The following PLBD1 variants were observed in gnomAD, a reference collection of about 807,000 sequenced individuals.
PLBD1 encodes the protein phospholipase B domain containing 1, also known as lysosomal leucine aminopeptidase.
Under a neutral mutation model 63.0 loss-of-function variants are expected in PLBD1, and 60 were observed. That is an observed-to-expected ratio of 0.95 (90% CI 0.77 to 1.18). The LOEUF is 1.18. Ranked by LOEUF, PLBD1 falls within the 50% of genes most tolerant of loss-of-function variation. PLBD1 has a pLI of 0.00. For missense variants in PLBD1, 598 were observed against 677.9 expected, an observed-to-expected ratio of 0.88 and a Z score of 1.31; for synonymous variants, 262 against 248.0, an observed-to-expected ratio of 1.06 and a Z score of -0.53.
chr12:14,564,972 A>G (rs1945769144), intron 1 of PLBD1, among the ~76,000 whole-genome samples: 1 of 152,206 alleles, frequency 6.6e-6, no homozygotes, highest in African/African-American at 2.4e-5. Flanking sequence ...TGACTTCTCT[A>G]TACATACCAC....
At chr12:14,539,719 G>A (rs1945550126) in intron 4 of PLBD1, among the ~76,000 whole-genome samples, 1 of 151,224 alleles carries the variant, frequency 6.6e-6, no homozygotes, top group Admixed American at 6.6e-5. Flanking sequence ...CCAGGAGGCA[G>A]AGGTTGCAGT....
intron 6 of PLBD1, among the ~76,000 whole-genome samples, chr12:14,533,594 C>T (rs187363746): frequency 1.8e-4 from 27 of 152,284 alleles, no homozygotes; most frequent in African/African-American, 5.8e-4. Flanking sequence ...GTGCACATAA[C>T]ATCTGAATAT....
intron 10 of PLBD1, among the ~76,000 whole-genome samples, chr12:14,505,744 C>T (rs7957702): frequency 0.019 from 2,928 of 152,312 alleles, 95 homozygotes; most frequent in African/African-American, 0.067. Flanking sequence ...AACATGGAAT[C>T]GCACTGCTTG....
chr12:14,528,909 C>T (rs978483958), intron 6 of PLBD1, among the ~76,000 whole-genome samples: 1 of 152,028 alleles, frequency 6.6e-6, no homozygotes, highest in African/African-American at 2.4e-5. Flanking sequence ...TTAAAACTAA[C>T]TCAAGAAGAG....
intron 6 of PLBD1, among the ~76,000 whole-genome samples, chr12:14,525,176 C>T (rs542000602): frequency 5.3e-5 from 8 of 152,108 alleles, no homozygotes; most frequent in African/African-American, 9.7e-5. Flanking sequence ...GCAGGAGAAT[C>T]GCTTGAACCT....
At chr12:14,536,820 G>A in intron 4 of PLBD1, 110 bp from the exon 5 acceptor site, 1 of 1,385,420 alleles carries the variant, frequency 7.2e-7, no homozygotes, top group Non-Finnish European at 9.9e-7. Context: ...TGTGCATGGT[G>A]GCTCACGCCT....
intron 1 of PLBD1, 32 bp downstream of exon 1, chr12:14,567,550 G>A: frequency 6.8e-7 from 1 of 1,467,390 alleles, no homozygotes; most frequent in Non-Finnish European, 8.9e-7. Context: ...AGCCTCCCCG[G>A]GCGCCCCCCG....
intron 9 of PLBD1, among the ~76,000 whole-genome samples, chr12:14,506,492 G>GA (rs1945257101): frequency 6.6e-6 from 1 of 152,188 alleles, no homozygotes; most frequent in Admixed American, 6.5e-5. Flanking sequence ...CTTACACAGT[G>GA]AAAAATGGAT....
chr12:14,539,457 T>A (rs986818665), intron 4 of PLBD1, among the ~76,000 whole-genome samples: 1 of 151,832 alleles, frequency 6.6e-6, no homozygotes, highest in East Asian at 1.9e-4. Context: ...ATATATTTTT[T>A]AAAATCTACC....
At chr12:14,540,106 T>TTTTATATATA (rs71448876) in intron 4 of PLBD1, among the ~76,000 whole-genome samples, 14,247 of 63,770 alleles carry the variant, frequency 0.22, 3,078 homozygotes, top group South Asian at 0.27. Flanking sequence ...AATATAAATA[T>TTTTATATATA]TATTTATATA....
chr12:14,554,726 T>A (rs1447970002), intron 1 of PLBD1, among the ~76,000 whole-genome samples: 1 of 151,904 alleles, frequency 6.6e-6, no homozygotes, highest in African/African-American at 2.4e-5. Context: ...TCATATGAAC[T>A]TCTGAATGCA....
At chr12:14,551,881 C>T (rs1466261663) in intron 2 of PLBD1, among the ~76,000 whole-genome samples, 4 of 152,028 alleles carry the variant, frequency 2.6e-5, no homozygotes, top group African/African-American at 9.7e-5. Context: ...AGATTTTTAC[C>T]TGTATAATAT....
chr12:14,559,571 TCTACCC>T (rs1945730747), intron 1 of PLBD1, among the ~76,000 whole-genome samples: 1 of 152,178 alleles, frequency 6.6e-6, no homozygotes, highest in African/African-American at 2.4e-5. Flanking sequence ...TTGGATTAAG[TCTACCC>T]AGCCCCAAGA....
At chr12:14,515,419 CAG>C (rs1945329802) in intron 6 of PLBD1, among the ~76,000 whole-genome samples, 2 of 151,608 alleles carry the variant, frequency 1.3e-5, no homozygotes, top group African/African-American at 4.8e-5. Flanking sequence ...AAAAAAAAAA[CAG>C]AAATTAAGTG....
At chr12:14,553,704 G>A (rs1945678756) in intron 1 of PLBD1, 1 of 468,526 alleles carries the variant, frequency 2.1e-6, no homozygotes, top group Non-Finnish European at 3.9e-6. Flanking sequence ...ATCTGGGCAG[G>A]GCTGGAGCTG....
rs531014781 is a variant in PLBD1, at chr12:14,548,406, G to A, written c.335+4787C>T. Among the ~76,000 whole-genome samples the A allele has an allele frequency of 4.9e-5, 7 of 144,300 alleles. No individual in the cohort carries two copies. In the East Asian group the frequency reaches 6.2e-4, roughly 13 times the overall value. The allele number at this position is 144,300 out of a possible 152,430, so 94.7% of individuals were successfully genotyped here. A position where few individuals can be genotyped will look rare whatever the true frequency, so the allele number is the denominator to read the frequency against. ...TGGGAGGCAGAGGTTGCAGTAAGCCGAGATTGTGCCACTGCATTCCAGCCT... is the reference window on the plus strand; with the variant it reads ...TGGGAGGCAGAGGTTGCAGTAAGCCAAGATTGTGCCACTGCATTCCAGCCT... On this transcript the variant is annotated intron_variant, in intron 2 of 10. Transcript: ENST00000240617.
Position 14,503,730 on chromosome 12 carries a change from T to A in PLBD1, c.*42A>T. 1.3e-6 allele frequency: 2 copies of A among 1,521,784 alleles called. No individual in the cohort carries two copies. Among genetic ancestry groups the A allele is most frequent in the Non-Finnish European group, 1.8e-6 (2 of 1,106,690 alleles). 94.3% of individuals were successfully genotyped at this position (1,521,784 alleles called of 1,614,324 possible). A position where few individuals can be genotyped will look rare whatever the true frequency, so the allele number is the denominator to read the frequency against. ...AAAAACATAGCTAAAATAGTGCCTT[T>A]GGTATCTTATTTACAGTCTTCTAGT... On this transcript the variant is annotated 3_prime_UTR_variant, in exon 11 of 11. Coordinates refer to ENST00000240617, the MANE Select transcript of PLBD1 (RefSeq NM_024829.6).
At chr12:14,531,028 G>A (rs967402438) in intron 6 of PLBD1, 1 of 152,114 alleles carries the variant, frequency 6.6e-6, no homozygotes, top group Non-Finnish European at 1.5e-5. Context: ...TTGTTTGTTT[G>A]TCTTTTTTAA....
intron 6 of PLBD1, among the ~76,000 whole-genome samples, chr12:14,521,134 G>C (rs1945372595): frequency 6.6e-6 from 1 of 152,056 alleles, no homozygotes; most frequent in Admixed American, 6.6e-5. Context: ...TATCCACCAG[G>C]AATAAGCTGC....
Sources: allele counts gnomAD v4.1 joint callset (sites outside exome capture counted in the v4.1 genomes callset), GRCh38; gene constraint gnomAD v4.1.1; transcripts MANE v1.5; gene names NCBI Gene and HGNC (gene_info 2026-07-23, HGNC 2026-07-21).